Variants in NR5A2 observed in about 807,000 individuals in gnomAD.
NR5A2 encodes CYP7A promoter-binding factor.
A neutral mutation model predicts 62.7 loss-of-function variants in NR5A2; 26 were observed. The ratio of observed to expected loss-of-function variants is 0.41; its 90% CI spans 0.30 to 0.58. The LOEUF is 0.58. Ranked by LOEUF, NR5A2 falls within the 20% of genes least tolerant of loss-of-function variation. The pLI, the probability that NR5A2 is intolerant of heterozygous loss-of-function variation, is 0.22. For synonymous variants in NR5A2, 246 were observed against 241.7 expected (o/e 1.02, Z -0.16); for missense variants, 541 against 669.1 (o/e 0.81, Z 2.11).
chr1:200,144,584 A>G (rs1318178069), intron 7 of NR5A2, among the ~76,000 whole-genome samples: 1 of 152,124 alleles, frequency 6.6e-6, no homozygotes, highest in Non-Finnish European at 1.5e-5. Context: ...AACCCATTAC[A>G]TTGTTTCCAA....
rs1029394347 is a variant in NR5A2 at position 200,039,063 on chromosome 1, C to G, written c.65-595C>G. Among the ~76,000 whole-genome samples the G allele has an allele frequency of 3.9e-5, 6 of 152,178 alleles. No individual in the cohort carries two copies. Among genetic ancestry groups the G allele is most frequent in the Middle Eastern group, 3.4e-3 (1 of 294 alleles). On this transcript the variant is annotated intron_variant, in intron 1 of 7. Transcript: ENST00000367362. The surrounding 1 kb of genome is among the most constrained non-coding windows in gnomAD (Gnocchi z 5.1). ...CCTCGGGGCTGGGAAGGGCCGTTCT[C>G]GGTCCCGCGCGGGGAGTGGACCAGG...
intron 5 of NR5A2, among the ~76,000 whole-genome samples, chr1:200,090,010 A>G (rs189622575): frequency 7.1e-4 from 107 of 151,148 alleles, no homozygotes; most frequent in Admixed American, 1.4e-3. Context: ...ACTATTTGAA[A>G]TGGGGACTAT....
intron 7 of NR5A2, among the ~76,000 whole-genome samples, chr1:200,146,737 C>A (rs1667717776): frequency 6.6e-6 from 1 of 152,110 alleles, no homozygotes; most frequent in Non-Finnish European, 1.5e-5. Context: ...AATTAATGAA[C>A]AAATTACCCC....
chr1:200,076,402 A>G (rs1030481672), intron 5 of NR5A2, among the ~76,000 whole-genome samples: 3 of 152,122 alleles, frequency 2.0e-5, no homozygotes, highest in African/African-American at 7.2e-5. Flanking sequence ...AACTTTCCCA[A>G]ATGAAATTGT....
chr1:200,160,832 G>A (rs1015193947), intron 7 of NR5A2, among the ~76,000 whole-genome samples: 5 of 151,774 alleles, frequency 3.3e-5, no homozygotes, highest in Non-Finnish European at 5.9e-5. Context: ...ATATGATAAC[G>A]TTGGTTTATT....
intron 5 of NR5A2, among the ~76,000 whole-genome samples, chr1:200,064,201 A>G (rs961529126): frequency 6.6e-6 from 1 of 152,058 alleles, no homozygotes; most frequent in Non-Finnish European, 1.5e-5. Flanking sequence ...TTAAGTCTTC[A>G]TGGCAGTTTT....
At chr1:200,068,012 A>C (rs1256289646) in intron 5 of NR5A2, among the ~76,000 whole-genome samples, 1 of 152,108 alleles carries the variant, frequency 6.6e-6, no homozygotes, top group Non-Finnish European at 1.5e-5. Flanking sequence ...CTATAGATGA[A>C]TTTCATCCGA....
chr1:200,078,637 G>A (rs752743472), intron 5 of NR5A2, among the ~76,000 whole-genome samples: 27 of 152,138 alleles, frequency 1.8e-4, no homozygotes, highest in Non-Finnish European at 3.8e-4. Context: ...AGCCATTTAT[G>A]GGTCATTCTA....
intron 7 of NR5A2, among the ~76,000 whole-genome samples, chr1:200,143,987 T>A (rs960519768): frequency 6.6e-6 from 1 of 152,136 alleles, no homozygotes; most frequent in Non-Finnish European, 1.5e-5. Flanking sequence ...TCTGCTCTGT[T>A]TGTGACAGAG....
rs1662830556 is a variant in NR5A2 at position 200,054,773 on chromosome 1, T to G, written c.1110+5955T>G. Among the ~76,000 whole-genome samples the G allele has an allele frequency of 2.0e-5, 3 of 152,220 alleles. No individual in the cohort carries two copies. In the South Asian group the frequency reaches 6.2e-4, roughly 31 times the overall value. On this transcript the variant is annotated intron_variant, in intron 5 of 7. Coordinates refer to ENST00000367362, the MANE Select transcript of NR5A2 (RefSeq NM_205860.3). ...AGCTATCTGAGCAGCATTATTTATCTATTTTTAACATTCTAGATCCTTTTT... is the reference window on the plus strand; with the variant it reads ...AGCTATCTGAGCAGCATTATTTATCGATTTTTAACATTCTAGATCCTTTTT...
At chr1:200,042,310 G>A (rs1662133513) in intron 2 of NR5A2, among the ~76,000 whole-genome samples, 1 of 152,176 alleles carries the variant, frequency 6.6e-6, no homozygotes, top group African/African-American at 2.4e-5. Flanking sequence ...TCTGCGCGCA[G>A]TCCTTAGCCG....
intron 5 of NR5A2, among the ~76,000 whole-genome samples, chr1:200,068,389 A>G (rs920606190): frequency 4.6e-5 from 7 of 152,178 alleles, no homozygotes; most frequent in African/African-American, 1.7e-4. Flanking sequence ...CAGTCTCCCA[A>G]TATTCCAACA....
intron 5 of NR5A2, among the ~76,000 whole-genome samples, chr1:200,055,178 C>A (rs1283584050): frequency 1.3e-5 from 2 of 151,544 alleles, no homozygotes; most frequent in African/African-American, 2.4e-5. Context: ...TAAGGCATAA[C>A]CCACTGTGCC....
At chr1:200,098,416 A>G (rs1026712131) in intron 5 of NR5A2, among the ~76,000 whole-genome samples, 4 of 150,782 alleles carry the variant, frequency 2.7e-5, no homozygotes, top group African/African-American at 9.8e-5. Context: ...AAATCAAATT[A>G]TCATTAATGT....
At chr1:200,077,687 C>G (rs1270384413) in intron 5 of NR5A2, among the ~76,000 whole-genome samples, 2 of 151,622 alleles carry the variant, frequency 1.3e-5, no homozygotes, top group Non-Finnish European at 2.9e-5. Context: ...GCACTCCAGC[C>G]TGGGTGACAG....
At chr1:200,140,859 A>G (rs7525084) in intron 7 of NR5A2, among the ~76,000 whole-genome samples, 1 of 152,142 alleles carries the variant, frequency 6.6e-6, no homozygotes, top group Non-Finnish European at 1.5e-5. Context: ...GCAGAAACCC[A>G]GTCTTTACTA....
At chr1:200,120,688 A>T in intron 6 of NR5A2, 120 bp from the exon 7 acceptor site, 1 of 1,020,920 alleles carries the variant, frequency 9.8e-7, no homozygotes, top group Admixed American at 3.4e-5. Flanking sequence ...GAGACCCCAC[A>T]TCTCTATTCT....
chr1:200,088,694 A>T (rs1310189280), intron 5 of NR5A2, among the ~76,000 whole-genome samples: 1 of 152,176 alleles, frequency 6.6e-6, no homozygotes, highest in Admixed American at 6.5e-5. Context: ...ACCTTTTCTC[A>T]TCATGACACC....
chr1:200,139,186 G>A (rs1255707805), intron 7 of NR5A2, among the ~76,000 whole-genome samples: 1 of 152,114 alleles, frequency 6.6e-6, no homozygotes, highest in Non-Finnish European at 1.5e-5. Context: ...AACCTTTTCT[G>A]TAGTTAATAT....
Sources: allele counts gnomAD v4.1 joint callset (sites outside exome capture counted in the v4.1 genomes callset), GRCh38; gene constraint gnomAD v4.1.1; non-coding constraint Gnocchi (gnomAD v3.1); transcripts MANE v1.5; gene names NCBI Gene and HGNC (gene_info 2026-07-23, HGNC 2026-07-21).